Variants in CTXND1 observed in about 807,000 individuals in gnomAD.
The protein encoded by CTXND1 is cortexin domain-containing 1 protein.
chr15:80,238,897 G>A lies in CTXND1; in HGVS notation c.-218+13110C>T, dbSNP rs781065040. Among the ~76,000 whole-genome samples the A allele has an allele frequency of 7.9e-5, 12 of 152,284 alleles. 1 individual carries two copies. The highest frequency in any genetic ancestry group is 1.6e-4 in the Non-Finnish European group (11 of 68,030). ...GCTACACTGTATAGCCTAGGTGTGT[G>A]GTAGGCTCTGCCATCTAGGTCTGTG... On this transcript the variant is annotated intron_variant, in intron 1 of 2. Coordinates refer to ENST00000560778, the MANE Select transcript of CTXND1 (RefSeq NM_001352888.2).
At chr15:80,248,034 A>G (rs542163602) in intron 1 of CTXND1, among the ~76,000 whole-genome samples, 2 of 152,234 alleles carry the variant, frequency 1.3e-5, no homozygotes, top group African/African-American at 4.8e-5. Context: ...GAGGAGGGTC[A>G]TCTTGGGAGC....
intron 1 of CTXND1, among the ~76,000 whole-genome samples, chr15:80,246,440 G>T (rs563668675): frequency 6.6e-6 from 1 of 152,214 alleles, no homozygotes; most frequent in African/African-American, 2.4e-5. Flanking sequence ...GATGAAGATC[G>T]GAGCCACATA....
chr15:80,228,448 G>A (rs908957689), intron 1 of CTXND1, among the ~76,000 whole-genome samples: 1 of 152,108 alleles, frequency 6.6e-6, no homozygotes, highest in African/African-American at 2.4e-5. Flanking sequence ...AATAAGATGG[G>A]AAAGTTGACA....
intron 1 of CTXND1, among the ~76,000 whole-genome samples, chr15:80,215,989 G>A: frequency 6.6e-6 from 1 of 152,086 alleles, no homozygotes; most frequent in East Asian, 1.9e-4. Context: ...ATCTTCCAAG[G>A]TCTGCTCATT....
chr15:80,229,074 A>T (rs1009096586), intron 1 of CTXND1, among the ~76,000 whole-genome samples: 1 of 152,182 alleles, frequency 6.6e-6, no homozygotes, highest in Admixed American at 6.5e-5. Context: ...CAAGCACTTC[A>T]GGTAAAGGAC....
At chr15:80,239,874 TAA>T (rs1893544983) in intron 1 of CTXND1, among the ~76,000 whole-genome samples, 1 of 152,220 alleles carries the variant, frequency 6.6e-6, no homozygotes, top group East Asian at 1.9e-4. Context: ...TAAAAAAAAT[TAA>T]GTCTTTTTTA....
chr15:80,212,987 G>A (rs1893216505), intron 1 of CTXND1, among the ~76,000 whole-genome samples: 1 of 152,154 alleles, frequency 6.6e-6, no homozygotes, highest in Non-Finnish European at 1.5e-5. Context: ...GGAAACCAAT[G>A]GAGTTTTTCT....
At chr15:80,210,187 G>A (rs949007099) in intron 1 of CTXND1, among the ~76,000 whole-genome samples, 7 of 152,096 alleles carry the variant, frequency 4.6e-5, no homozygotes, top group South Asian at 2.1e-4. Flanking sequence ...CCACCTGTTC[G>A]CCACCTCCTT....
intron 1 of CTXND1, among the ~76,000 whole-genome samples, chr15:80,244,983 C>T (rs1022047508): frequency 2.6e-5 from 4 of 152,114 alleles, no homozygotes; most frequent in Non-Finnish European, 5.9e-5. Context: ...AGCAACATGA[C>T]TTGGGTGAAT....
intron 1 of CTXND1, among the ~76,000 whole-genome samples, chr15:80,215,068 C>T (rs946005771): frequency 1.3e-5 from 2 of 152,098 alleles, no homozygotes; most frequent in Non-Finnish European, 2.9e-5. Context: ...AAAATTGGCT[C>T]AAAATGAAAT....
At chr15:80,213,322 A>G (rs1893219950) in intron 1 of CTXND1, among the ~76,000 whole-genome samples, 1 of 152,260 alleles carries the variant, frequency 6.6e-6, no homozygotes, top group African/African-American at 2.4e-5. Context: ...AAGAGTGGCC[A>G]ATGGTAGGTT....
At position 80,198,788 on chromosome 15, in the gene CTXND1, A is replaced by G. The variant is rs1032958644; in HGVS notation, c.*2982T>C. On this transcript the variant is annotated 3_prime_UTR_variant, in exon 3 of 3. Transcript: ENST00000560778. The stretch of plus-strand genomic sequence containing the variant: ...TTTTTTTGCTTGGAACATGTACAAC[A>G]GGGAAAATGGAAGAAATCCAAATAT... 3 of 152,218 alleles carry G rather than the reference A, an allele frequency of 2.0e-5. No individual in the cohort carries two copies. The highest frequency in any genetic ancestry group is 7.2e-5 in the African/African-American group (3 of 41,446). 9.4% of individuals were successfully genotyped at this position (152,218 alleles called of 1,614,324 possible).
At chr15:80,251,792 G>A (rs926684607) in intron 1 of CTXND1, among the ~76,000 whole-genome samples, 25 of 151,992 alleles carry the variant, frequency 1.6e-4, no homozygotes, top group Non-Finnish European at 1.0e-4. Context: ...GCCGACCGAG[G>A]CGCGCCCCGG....
At chr15:80,250,498 T>C (rs1312519524) in intron 1 of CTXND1, among the ~76,000 whole-genome samples, 1 of 152,256 alleles carries the variant, frequency 6.6e-6, no homozygotes, top group African/African-American at 2.4e-5. Context: ...ATGCATTCAT[T>C]ACTTGCATGC....
At chr15:80,205,115 T>C (rs1317349510) in intron 1 of CTXND1, among the ~76,000 whole-genome samples, 1 of 152,236 alleles carries the variant, frequency 6.6e-6, no homozygotes, top group Non-Finnish European at 1.5e-5. Flanking sequence ...TTATATAAAC[T>C]GTTCCACATC....
At chr15:80,204,169 A>AAAATAT (rs1555443860) in intron 1 of CTXND1, among the ~76,000 whole-genome samples, 1 of 65,196 alleles carries the variant, frequency 1.5e-5, no homozygotes, top group African/African-American at 7.7e-5. Flanking sequence ...AAAAAAAAAA[A>AAAATAT]ATATATATAT....
chr15:80,227,988 A>T (rs145994196), intron 1 of CTXND1, among the ~76,000 whole-genome samples: 43 of 152,314 alleles, frequency 2.8e-4, no homozygotes, highest in South Asian at 1.4e-3. Context: ...GTCCTCTCAA[A>T]CTCTGCTGCT....
chr15:80,229,134 T>C (rs1893402651), intron 1 of CTXND1, among the ~76,000 whole-genome samples: 1 of 152,052 alleles, frequency 6.6e-6, no homozygotes, highest in Non-Finnish European at 1.5e-5. Flanking sequence ...CTGAGCTGGG[T>C]AAGGCTGGGA....
intron 1 of CTXND1, among the ~76,000 whole-genome samples, chr15:80,233,133 G>C (rs933701201): frequency 6.6e-6 from 1 of 151,944 alleles, no homozygotes; most frequent in Non-Finnish European, 1.5e-5. Context: ...GTAGAGACGG[G>C]TTTCACCCTC....
Sources: gnomAD v4.1 joint callset for allele counts (sites outside exome capture counted in the v4.1 genomes callset) on GRCh38, gnomAD v4.1.1 for gene constraint, MANE v1.5 for transcripts, NCBI Gene and HGNC (gene_info 2026-07-23, HGNC 2026-07-21) for gene names.